Variants in PRAMEF2 observed in about 807,000 individuals in gnomAD.
PRAMEF2 encodes the protein PRAME family member 2.
In PRAMEF2, 35 loss-of-function variants were observed where a neutral mutation model predicts 38.0. The ratio of observed to expected loss-of-function variants is 0.92; its 90% CI spans 0.70 to 1.22. The LOEUF (loss-of-function observed/expected upper bound fraction) is 1.22, where lower values mean the gene tolerates loss of function less well. Among genes scored for constraint, PRAMEF2 ranks in the 50% most tolerant of loss-of-function variants. The pLI, the probability that PRAMEF2 is intolerant of heterozygous loss-of-function variation, is 0.00. For synonymous variants in PRAMEF2, 240 were observed against 232.4 expected (o/e 1.03, Z -0.30); for missense variants, 562 against 553.9 (o/e 1.01, Z -0.15).
At chr1:12,858,529 A>G (rs1352923557) in intron 1 of PRAMEF2, among the ~76,000 whole-genome samples, 2 of 150,148 alleles carry the variant, frequency 1.3e-5, no homozygotes, top group African/African-American at 2.4e-5. Context: ...TTTTCAAAAT[A>G]AAAAATAATG....
At position 12,861,053 on chromosome 1, in the gene PRAMEF2, C is replaced by T; in HGVS notation, c.867-168C>T. 1.3e-5 allele frequency among the ~76,000 whole-genome samples: 2 copies of T among 150,004 alleles called. 1 individual carries two copies. The highest frequency in any genetic ancestry group is 3.0e-5 in the Non-Finnish European group (2 of 67,592). ...AGGGCTGAGGCTAAAATGGGACAGC[C>T]CCTGAACGATCAGGGTCCTCATCAT... On this transcript the variant is annotated intron_variant, in intron 3 of 3. Transcript: ENST00000240189.
chr1:12,860,594 T>C, intron 3 of PRAMEF2, among the ~76,000 whole-genome samples: 1 of 149,832 alleles, frequency 6.7e-6, no homozygotes, highest in Admixed American at 6.9e-5. Context: ...TGATATGATG[T>C]CAAAGAGATA....
chr1:12,860,487 A>T (rs1481791725), intron 3 of PRAMEF2, among the ~76,000 whole-genome samples: 1 of 149,490 alleles, frequency 6.7e-6, no homozygotes, highest in Admixed American at 6.9e-5. Flanking sequence ...CTGGGGTAGA[A>T]GCTAGAGAGG....
intron 2 of PRAMEF2, 52 bp from the exon 3 acceptor site, chr1:12,859,641 G>A: frequency 1.2e-6 from 2 of 1,602,618 alleles, no homozygotes; most frequent in Non-Finnish European, 8.5e-7. Flanking sequence ...GAAAGCAAAG[G>A]TCAGGGATGA....
rs764681121 is a variant in PRAMEF2 at position 12,858,094 on chromosome 1, G to A, written c.-25-891G>A. Among the ~76,000 whole-genome samples, 19 of 149,456 alleles carry A rather than the reference G, an allele frequency of 1.3e-4. 1 individual carries two copies. Among genetic ancestry groups the A allele is most frequent in the Admixed American group, 2.8e-4 (4 of 14,444 alleles). Reference sequence around the variant, plus strand: ...GAATTATTTTGTTTTTTTCTGCGATGTACTCTGAGTGCGTCACCCAGACTG... The same window carrying A: ...GAATTATTTTGTTTTTTTCTGCGATATACTCTGAGTGCGTCACCCAGACTG... On this transcript the variant is annotated intron_variant, in intron 1 of 3. Transcript: ENST00000240189.
rs1174875996 is a variant in PRAMEF2, at chr1:12,859,497, C to T, written c.288-196C>T. Among the ~76,000 whole-genome samples the T allele has an allele frequency of 1.4e-4, 21 of 150,978 alleles. 1 individual carries two copies. The highest frequency in any genetic ancestry group is 2.1e-4 in the South Asian group (1 of 4,810). Reference sequence around the variant, plus strand: ...CAGGGTCCACTGTGGGAACAGAAGCCGGCCTTTACTCAGTGGAAGGTAAAG... The same window carrying T: ...CAGGGTCCACTGTGGGAACAGAAGCTGGCCTTTACTCAGTGGAAGGTAAAG... On this transcript the variant is annotated intron_variant, in intron 2 of 3. Coordinates refer to ENST00000240189, the MANE Select transcript of PRAMEF2 (RefSeq NM_023014.1).
chr1:12,859,703 C>T lies in PRAMEF2; in HGVS notation c.298C>T (p.Leu100Phe), dbSNP rs755711225. 6.2e-7 allele frequency: 1 copy of T among 1,606,726 alleles called. No homozygotes were observed. Among genetic ancestry groups the T allele is most frequent in the African/African-American group, 1.3e-5 (1 of 74,478 alleles). ...TTACTTTACCCACAGGAGGTGGAAA[C>T]TTCAAGTGCTGGATTTGCGGGATGT... ...TQKDRPRRWKLQVLDLRDVDE... is the reference protein window; with the variant it reads ...TQKDRPRRWKFQVLDLRDVDE... The change falls in exon 3 of 4, where the codon CTT (leucine) becomes TTT (phenylalanine). Residue 100 changes from leucine to phenylalanine, a missense_variant. Physicochemically the swap from Leu to Phe is conservative, Grantham distance 22. This residue lies in a region of PRAMEF2 where 486 missense variants were observed against 444.2 expected (regional missense o/e 1.09). Coordinates refer to ENST00000240189, the MANE Select transcript of PRAMEF2 (RefSeq NM_023014.1).
Position 12,860,233 on chromosome 1 carries a change from G to C in PRAMEF2, c.828G>C (p.Leu276Phe), listed in dbSNP as rs1381880770. The change falls in exon 3 of 4, where the codon TTG becomes TTC. Residue 276 changes from leucine to phenylalanine, a missense_variant. Leu to Phe is a conservative substitution (Grantham distance 22, BLOSUM62 0). Coordinates refer to ENST00000240189, the MANE Select transcript of PRAMEF2 (RefSeq NM_023014.1). ...LEHLQLLKIKLITFFSGHLEQ... is the reference protein window; with the variant it reads ...LEHLQLLKIKFITFFSGHLEQ... ...ACCTCCAGTTGCTTAAAATAAAATT[G>C]ATCACCTTCTTCAGTGGGCACCTGG... is the stretch of plus-strand genomic sequence containing the variant. 3.1e-6 allele frequency: 5 copies of C among 1,606,830 alleles called. No individual in the cohort carries two copies. The highest frequency in any genetic ancestry group is 4.2e-6 in the Non-Finnish European group (5 of 1,176,680).
rs1405469678 is a variant in PRAMEF2, at chr1:12,859,185, G to A, written c.176G>A (p.Trp59Ter). 4 of 1,609,134 alleles carry A rather than the reference G, an allele frequency of 2.5e-6. No individual in the cohort carries two copies. The African/African-American group carries it at 5.4e-5, about 22-fold the overall frequency. Residue 59 changes from tryptophan (W) to a stop codon, truncating the protein, a stop_gained, in exon 2 of 4, where the codon TGG becomes TAG. Coordinates refer to ENST00000240189, the MANE Select transcript of PRAMEF2 (RefSeq NM_023014.1). LOFTEE classifies it high-confidence loss of function. ...FQTLTVMVQAWPFTCLPLVSL... is the reference protein window; with the variant it reads ...FQTLTVMVQA ...ACTCTGACGGTGATGGTGCAGGCCTGGCCTTTCACCTGCCTCCCTCTGGTA... is the reference window on the plus strand; with the variant it reads ...ACTCTGACGGTGATGGTGCAGGCCTAGCCTTTCACCTGCCTCCCTCTGGTA...
At chr1:12,861,131 G>T (rs1640540948) in intron 3 of PRAMEF2, 90 bp from the exon 4 acceptor site, 11 of 1,407,324 alleles carry the variant, frequency 7.8e-6, no homozygotes, top group Admixed American at 4.1e-5. Flanking sequence ...ACTTGTGTTT[G>T]GTTGAAGCAG....
chr1:12,860,075 C>A lies in PRAMEF2; in HGVS notation c.670C>A (p.Leu224Ile), dbSNP rs767475574. 1 of 1,606,620 alleles carries A rather than the reference C, an allele frequency of 6.2e-7. No individual in the cohort carries two copies. Among genetic ancestry groups the A allele is most frequent in the Non-Finnish European group, 8.5e-7 (1 of 1,176,392 alleles). The change falls in exon 3 of 4, where the codon CTT (leucine) becomes ATT (isoleucine). Residue 224 changes from leucine to isoleucine, a missense_variant. Coordinates refer to ENST00000240189, the MANE Select transcript of PRAMEF2 (RefSeq NM_023014.1). ...NTCWPHLIRKLYCYLKEMKTL... is the reference protein window; with the variant it reads ...NTCWPHLIRKIYCYLKEMKTL... ...GTGCTGGCCACATCTGATAAGAAAG[C>A]TTTATTGTTACCTGAAGGAGATGAA...
At position 12,858,873 on chromosome 1, in the gene PRAMEF2, T is replaced by C. The variant is rs993500160; in HGVS notation, c.-25-112T>C. 33 of 1,245,904 alleles carry C rather than the reference T, an allele frequency of 2.6e-5. 3 individuals carry two copies. In the Admixed American group the frequency reaches 3.4e-4, roughly 13 times the overall value. 77.2% of individuals were successfully genotyped at this position (1,245,904 alleles called of 1,614,324 possible). ...GCCAACAAGCACAGTGGAATTGGGG[T>C]AAAGTGGTAATTTTTCTACCTCTAC... On this transcript the variant is annotated intron_variant, in intron 1 of 3. Coordinates refer to ENST00000240189, the MANE Select transcript of PRAMEF2 (RefSeq NM_023014.1).
intron 3 of PRAMEF2, among the ~76,000 whole-genome samples, chr1:12,860,595 C>G (rs201150208): frequency 6.7e-6 from 1 of 149,798 alleles, no homozygotes; most frequent in Non-Finnish European, 1.5e-5. Flanking sequence ...GATATGATGT[C>G]AAAGAGATAA....
At chr1:12,857,684 G>C (rs1240879581) in intron 1 of PRAMEF2, among the ~76,000 whole-genome samples, 6 of 139,792 alleles carry the variant, frequency 4.3e-5, no homozygotes, top group South Asian at 2.3e-4. Flanking sequence ...TAGCATGGTA[G>C]CACTTTTACA....
rs1226275749 is a variant in PRAMEF2, at chr1:12,860,955, C to T, written c.867-266C>T. ...ACCTGTAGCCCAGAGATGAAGTTTT[C>T]TGCTAAAAGATGAAAAACAAAAAGG... On this transcript the variant is annotated intron_variant, in intron 3 of 3. Coordinates refer to ENST00000240189, the MANE Select transcript of PRAMEF2 (RefSeq NM_023014.1). Among the ~76,000 whole-genome samples the T allele has an allele frequency of 1.0e-3, 143 of 142,302 alleles. 3 individuals carry two copies. The highest frequency in any genetic ancestry group is 3.7e-3 in the African/African-American group (136 of 36,940). 93.4% of individuals were successfully genotyped at this position (142,302 alleles called of 152,430 possible).
Position 12,861,639 on chromosome 1 carries a change from A to G in PRAMEF2, c.1285A>G (p.Ile429Val). ...TTCCTTGGTTCGTGTCAATTGGGAG[A>G]TCTTCACCCCACTTCGGGCTGAGCT... Reference protein sequence around the residue: ...LNSLVRVNWEIFTPLRAELMC... With the variant: ...LNSLVRVNWEVFTPLRAELMC... The change falls in exon 4 of 4, where the codon ATC becomes GTC. Residue 429 changes from isoleucine (I) to valine (V), a missense_variant. Coordinates refer to ENST00000240189, the MANE Select transcript of PRAMEF2 (RefSeq NM_023014.1). The G allele has an allele frequency of 1.9e-6, 3 of 1,600,928 alleles. No individual in the cohort carries two copies. Among genetic ancestry groups the G allele is most frequent in the Non-Finnish European group, 1.7e-6 (2 of 1,174,720 alleles).
chr1:12,860,068 A>G lies in PRAMEF2; in HGVS notation c.663A>G (p.Ile221Met). The change falls in exon 3 of 4, where the codon ATA becomes ATG. Residue 221 changes from isoleucine to methionine, a missense_variant. By Grantham distance (10) the Ile-to-Met change is conservative. This residue lies in a region of PRAMEF2 where 486 missense variants were observed against 444.2 expected (regional missense o/e 1.09). Transcript: ENST00000240189. Reference sequence around the variant, plus strand: ...ACAACACGTGCTGGCCACATCTGATAAGAAAGCTTTATTGTTACCTGAAGG... The same window carrying G: ...ACAACACGTGCTGGCCACATCTGATGAGAAAGCTTTATTGTTACCTGAAGG... The part of the protein sequence containing the change: ...EIHNTCWPHL[I>M]RKLYCYLKEM... 1 of 1,606,756 alleles carries G rather than the reference A, an allele frequency of 6.2e-7. No individual in the cohort carries two copies. Among genetic ancestry groups the G allele is most frequent in the Non-Finnish European group, 8.5e-7 (1 of 1,176,476 alleles).
rs1063756 is a variant in PRAMEF2 at position 12,859,048 on chromosome 1, G to A, written c.39G>A (p.Ala13=). The A allele has an allele frequency of 3.5e-3, 5,618 of 1,597,382 alleles. 407 individuals are homozygous for A. The African/African-American group carries it at 0.067, about 19-fold the overall frequency. Reference sequence around the variant, plus strand: ...CCCCACCGAGACTACTGGAGCTGGCGGGGCAGAGCCTGCTGAGAGACCAGG... The same window carrying A: ...CCCCACCGAGACTACTGGAGCTGGCAGGGCAGAGCCTGCTGAGAGACCAGG... ...IQAPPRLLEL[A]GQSLLRDQAL... The change falls in exon 2 of 4, where the codon GCG becomes GCA. Residue 13 remains alanine (A), a synonymous_variant. Transcript: ENST00000240189.
At position 12,859,272 on chromosome 1, in the gene PRAMEF2, T is replaced by C. The variant is rs759647408; in HGVS notation, c.263T>C (p.Leu88Pro). 6 of 1,610,272 alleles carry C rather than the reference T, an allele frequency of 3.7e-6. 1 individual carries two copies. The highest frequency in any genetic ancestry group is 1.1e-5 in the South Asian group (1 of 90,980). ...LKALLEGLHM[L>P]LTQKDRPRRW... The stretch of plus-strand genomic sequence containing the variant: ...GCATTGCTGGAAGGGCTTCATATGC[T>C]GCTTACACAGAAGGATCGCCCCAGG... The change falls in exon 2 of 4, where the codon CTG becomes CCG. Residue 88 changes from leucine to proline, a missense_variant. This residue lies in a region of PRAMEF2 where 486 missense variants were observed against 444.2 expected (regional missense o/e 1.09). Coordinates refer to ENST00000240189, the MANE Select transcript of PRAMEF2 (RefSeq NM_023014.1).
Sources: allele counts gnomAD v4.1 joint callset (sites outside exome capture counted in the v4.1 genomes callset), GRCh38; gene constraint gnomAD v4.1.1; regional missense constraint gnomAD v4.1.1; transcripts MANE v1.5; gene names NCBI Gene and HGNC (gene_info 2026-07-23, HGNC 2026-07-21).